THEM6: variants seen among roughly 807,000 people sequenced by gnomAD.
The protein encoded by THEM6 is thioesterase superfamily member 6.
Under a neutral mutation model 13.7 loss-of-function variants are expected in THEM6, and 10 were observed. The ratio of observed to expected loss-of-function variants is 0.73; its 90% CI spans 0.45 to 1.24. The LOEUF is 1.24. THEM6 is among the 50% of genes most tolerant of loss of function. THEM6 has a pLI of 0.00. For synonymous variants in THEM6, 161 were observed against 156.0 expected (o/e 1.03, Z -0.24); for missense variants, 317 against 312.6 (o/e 1.01, Z -0.11).
chr8:142,731,839 C>T (rs1176546028), intron 1 of THEM6, among the ~76,000 whole-genome samples: 5 of 152,114 alleles, frequency 3.3e-5, no homozygotes, highest in African/African-American at 4.8e-5. Context: ...CTTAGTTTCT[C>T]GGGCTGGGTG....
Position 142,727,400 on chromosome 8 carries a change from G to A in THEM6, c.54G>A (p.Leu18=). The A allele has an allele frequency of 6.5e-7, 1 of 1,531,360 alleles. No homozygotes were observed. The highest frequency in any genetic ancestry group is 1.4e-5 in the African/African-American group (1 of 71,014). The allele number at this position is 1,531,360 out of a possible 1,614,324, so 94.9% of individuals were successfully genotyped here. Residue 18 remains leucine, a synonymous_variant, in exon 1 of 2, where the codon CTG becomes CTA. Coordinates refer to ENST00000336138, the MANE Select transcript of THEM6 (RefSeq NM_016647.3). The part of the protein sequence containing the change: ...LLALGLAVFA[L]LDVWYLVRLP... ...CCCTGGGGCTCGCTGTCTTTGCGCT[G>A]CTGGACGTCTGGTACCTGGTGCGCC...
Position 142,727,661 on chromosome 8 carries a change from G to A in THEM6, c.315G>A (p.Ala105=). 7.0e-7 allele frequency: 1 copy of A among 1,437,482 alleles called. No homozygotes were observed. Among genetic ancestry groups the A allele is most frequent in the Non-Finnish European group, 9.0e-7 (1 of 1,106,990 alleles). 89.0% of individuals were successfully genotyped at this position (1,437,482 alleles called of 1,614,324 possible). ...RAHTVLAASC[A]RHRRSLRLLE... The stretch of plus-strand genomic sequence containing the variant: ...ACACGGTGCTGGCGGCCTCGTGCGC[G>A]CGCCACCGCCGCTCGCTGCGCCTGC... The change falls in exon 1 of 2, where the codon GCG becomes GCA. Residue 105 remains alanine, a synonymous_variant. Transcript: ENST00000336138.
At position 142,727,722 on chromosome 8, in the gene THEM6, T is replaced by A. The variant is rs1815535629; in HGVS notation, c.376T>A (p.Trp126Arg). The change falls in exon 1 of 2, where the codon TGG becomes AGG. Residue 126 changes from tryptophan to arginine, a missense_variant. Coordinates refer to ENST00000336138, the MANE Select transcript of THEM6 (RefSeq NM_016647.3). ...PFEVRTRLLGWDDRAFYLEAR... is the reference protein window; with the variant it reads ...PFEVRTRLLGRDDRAFYLEAR... ...CGAGGTGCGCACCCGCCTGCTGGGC[T>A]GGGACGACCGCGCGTTCTACCTGGA... The A allele has an allele frequency of 6.9e-7, 1 of 1,438,922 alleles. No homozygotes were observed. Among genetic ancestry groups the A allele is most frequent in the South Asian group, 1.4e-5 (1 of 69,908 alleles). The allele number at this position is 1,438,922 out of a possible 1,614,324, so 89.1% of individuals were successfully genotyped here. A position where few individuals can be genotyped will look rare whatever the true frequency, so the allele number is the denominator to read the frequency against.
intron 1 of THEM6, among the ~76,000 whole-genome samples, chr8:142,734,337 C>G (rs1173202055): frequency 6.6e-6 from 1 of 152,206 alleles, no homozygotes; most frequent in Non-Finnish European, 1.5e-5. Context: ...GAGAGCCGGG[C>G]ACGGAGGCCG....
intron 1 of THEM6, among the ~76,000 whole-genome samples, chr8:142,730,084 C>T (rs140205959): frequency 6.9e-4 from 105 of 152,182 alleles, no homozygotes; most frequent in African/African-American, 2.3e-3. Flanking sequence ...ATAACAAAGG[C>T]GCTAGTAACA....
At position 142,732,188 on chromosome 8, in the gene THEM6, ATATATATATATATATATATT is replaced by A. The variant is rs1300151840; in HGVS notation, c.514-3136_514-3117del. Among the ~76,000 whole-genome samples, 57 of 90,742 alleles carry A rather than the reference ATATATATATATATATATATT, an allele frequency of 6.3e-4. 3 individuals are homozygous for A. Among genetic ancestry groups the A allele is most frequent in the Non-Finnish European group, 9.7e-4 (44 of 45,444 alleles). The allele number at this position is 90,742 out of a possible 152,430, so 59.5% of individuals were successfully genotyped here. A position where few individuals can be genotyped will look rare whatever the true frequency, so the allele number is the denominator to read the frequency against. ...TATATATATATATATATATATATATATATATATATATATATATATTTTAACTACTGGAGGTTTGTGTGAGG... is the reference window on the plus strand; with the variant it reads ...TATATATATATATATATATATATATATTAACTACTGGAGGTTTGTGTGAGG... On this transcript the variant is annotated intron_variant, in intron 1 of 1. Coordinates refer to ENST00000336138, the MANE Select transcript of THEM6 (RefSeq NM_016647.3).
In THEM6 at chr8:142,735,464, T is replaced by G. The variant is rs1815738969; in HGVS notation, c.*25T>G. 8.0e-6 allele frequency: 12 copies of G among 1,503,444 alleles called. No homozygotes were observed. In the East Asian group the frequency reaches 1.2e-4, roughly 15 times the overall value. The allele number at this position is 1,503,444 out of a possible 1,614,324, so 93.1% of individuals were successfully genotyped here. On this transcript the variant is annotated 3_prime_UTR_variant, in exon 2 of 2. Coordinates refer to ENST00000336138, the MANE Select transcript of THEM6 (RefSeq NM_016647.3). Reference sequence around the variant, plus strand: ...ACCGCCACCTTCACACCGTCTGCCCTGGCCACCATCCTGGGCCTGGGGGCT... The same window carrying G: ...ACCGCCACCTTCACACCGTCTGCCCGGGCCACCATCCTGGGCCTGGGGGCT...
At chr8:142,727,952 C>T in intron 1 of THEM6, 93 bp downstream of exon 1, 1 of 1,299,860 alleles carries the variant, frequency 7.7e-7, no homozygotes, top group African/African-American at 1.6e-5. Context: ...TAGGGAAGGC[C>T]CGCTGCCTGC....
In THEM6 at chr8:142,735,314, T is replaced by G. The variant is rs1329915786; in HGVS notation, c.514-12T>G. ...GTAGCTTAGCTGGGTGTCCCCTTTC[T>G]GTCCTCTGCAGGTGGAGCCCCCTGA... On this transcript the variant is annotated splice_polypyrimidine_tract_variant and intron_variant, in intron 1 of 1. Coordinates refer to ENST00000336138, the MANE Select transcript of THEM6 (RefSeq NM_016647.3). 2.7e-5 allele frequency: 42 copies of G among 1,547,694 alleles called. No homozygotes were observed. The highest frequency in any genetic ancestry group is 3.5e-5 in the Non-Finnish European group (40 of 1,143,986).
chr8:142,727,826 C>G lies in THEM6; in HGVS notation c.480C>G (p.Pro160=). ...RFRQHLLGTS[P]ERVVQHLCQR... ...GGCAGCACCTGCTGGGCACCTCACC[C>G]GAGCGCGTCGTGCAGCACCTGTGCC... is the stretch of plus-strand genomic sequence containing the variant. The change falls in exon 1 of 2, where the codon CCC becomes CCG. Residue 160 remains proline (P), a synonymous_variant. Coordinates refer to ENST00000336138, the MANE Select transcript of THEM6 (RefSeq NM_016647.3). 6.9e-7 allele frequency: 1 copy of G among 1,459,550 alleles called. No individual in the cohort carries two copies. The highest frequency in any genetic ancestry group is 2.5e-5 in the Admixed American group (1 of 40,100). The allele number at this position is 1,459,550 out of a possible 1,614,324, so 90.4% of individuals were successfully genotyped here. A position where few individuals can be genotyped will look rare whatever the true frequency, so the allele number is the denominator to read the frequency against.
chr8:142,733,109 C>G (rs1458414637), intron 1 of THEM6, among the ~76,000 whole-genome samples: 1 of 152,202 alleles, frequency 6.6e-6, no homozygotes, highest in African/African-American at 2.4e-5. Flanking sequence ...ACCTCACATT[C>G]TGTATCTGTC....
intron 1 of THEM6, among the ~76,000 whole-genome samples, chr8:142,731,123 T>C (rs1815638501): frequency 6.6e-6 from 1 of 152,242 alleles, no homozygotes; most frequent in Admixed American, 6.5e-5. Flanking sequence ...TAGACTCTTT[T>C]TAAGCTTTTA....
chr8:142,735,335 C>G lies in THEM6; in HGVS notation c.523C>G (p.Pro175Ala), dbSNP rs1815735115. ...QHLCQRRVEPPELPADLQHWI... is the reference protein window; with the variant it reads ...QHLCQRRVEPAELPADLQHWI... ...TTTCTGTCCTCTGCAGGTGGAGCCCCCTGAGCTGCCCGCTGATCTGCAGCA... is the reference window on the plus strand; with the variant it reads ...TTTCTGTCCTCTGCAGGTGGAGCCCGCTGAGCTGCCCGCTGATCTGCAGCA... The change falls in exon 2 of 2, where the codon CCT becomes GCT. Residue 175 changes from proline to alanine, a missense_variant. Coordinates refer to ENST00000336138, the MANE Select transcript of THEM6 (RefSeq NM_016647.3). The G allele has an allele frequency of 1.9e-6, 3 of 1,558,222 alleles. No individual in the cohort carries two copies. Among genetic ancestry groups the G allele is most frequent in the Non-Finnish European group, 2.6e-6 (3 of 1,151,296 alleles).
chr8:142,727,678 T>C lies in THEM6; in HGVS notation c.332T>C (p.Leu111Pro), dbSNP rs1429765737. The C allele has an allele frequency of 2.8e-6, 4 of 1,432,212 alleles. No individual in the cohort carries two copies. The African/African-American group carries it at 4.5e-5, about 16-fold the overall frequency. The allele number at this position is 1,432,212 out of a possible 1,614,324, so 88.7% of individuals were successfully genotyped here. A position where few individuals can be genotyped will look rare whatever the true frequency, so the allele number is the denominator to read the frequency against. The change falls in exon 1 of 2, where the codon CTG becomes CCG. Residue 111 changes from leucine (L) to proline (P), a missense_variant. Coordinates refer to ENST00000336138, the MANE Select transcript of THEM6 (RefSeq NM_016647.3). ...AASCARHRRS[L>P]RLLEPFEVRT... ...TCGTGCGCGCGCCACCGCCGCTCGC[T>C]GCGCCTGCTGGAGCCCTTCGAGGTG... is the stretch of plus-strand genomic sequence containing the variant.
Position 142,727,562 on chromosome 8 carries a change from C to T in THEM6, c.216C>T (p.Arg72=), listed in dbSNP as rs1554642472. The change falls in exon 1 of 2, where the codon CGC becomes CGT. Residue 72 remains arginine, a synonymous_variant. Transcript: ENST00000336138. ...ACATGAACAACGCGCGCTACCTGCGCGAGGCCGACTTTGCGCGCGTCGCGC... is the reference window on the plus strand; with the variant it reads ...ACATGAACAACGCGCGCTACCTGCGTGAGGCCGACTTTGCGCGCGTCGCGC... ...LLHMNNARYL[R]EADFARVAHL... 6.5e-7 allele frequency: 1 copy of T among 1,547,518 alleles called. No individual in the cohort carries two copies.
chr8:142,728,013 C>G (rs989145516), intron 1 of THEM6, among the ~76,000 whole-genome samples, 154 bp downstream of exon 1: 5 of 152,180 alleles, frequency 3.3e-5, no homozygotes, highest in African/African-American at 4.8e-5. Context: ...CCCGCCCCTC[C>G]CTCTCTACCG....
intron 1 of THEM6, among the ~76,000 whole-genome samples, chr8:142,731,798 CT>C (rs1446597294): frequency 3.3e-5 from 5 of 152,134 alleles, no homozygotes; most frequent in African/African-American, 1.2e-4. Context: ...CACCATTCCC[CT>C]TTTTACTTTT....
At chr8:142,728,962 C>T (rs1431793630) in intron 1 of THEM6, among the ~76,000 whole-genome samples, 2 of 108,722 alleles carry the variant, frequency 1.8e-5, no homozygotes, top group African/African-American at 7.2e-5. Flanking sequence ...TTTTTTCAGA[C>T]GGATTCTCAC....
At chr8:142,730,609 C>T (rs1163940130) in intron 1 of THEM6, among the ~76,000 whole-genome samples, 11 of 152,206 alleles carry the variant, frequency 7.2e-5, no homozygotes, top group Non-Finnish European at 1.6e-4. Context: ...GGCCTTGTGA[C>T]TTACCTGGCC....
Sources: allele counts gnomAD v4.1 joint callset (sites outside exome capture counted in the v4.1 genomes callset), GRCh38; gene constraint gnomAD v4.1.1; transcripts MANE v1.5; gene names NCBI Gene and HGNC (gene_info 2026-07-23, HGNC 2026-07-21).